Variants in USP7 observed in about 807,000 individuals in gnomAD.
USP7 encodes ubiquitin C-terminal hydrolase 7.
In USP7, 9 loss-of-function variants were observed where a neutral mutation model predicts 162.9. The ratio of observed to expected loss-of-function variants is 0.06; its 90% confidence interval spans 0.03 to 0.10. USP7 has a LOEUF of 0.10. USP7 is among the 10% of genes least tolerant of loss of function. USP7 has a pLI of 1.00. For synonymous variants in USP7, 562 were observed against 475.9 expected (o/e 1.18, Z -2.35); for missense variants, 715 against 1,373.7 (o/e 0.52, Z 7.58).
chr16:8,932,660 C>T (rs573104975), intron 1 of USP7, among the ~76,000 whole-genome samples: 16 of 152,256 alleles, frequency 1.1e-4, no homozygotes, highest in South Asian at 4.1e-4. Context: ...AAATGTCTTT[C>T]ATCCACATTC....
chr16:8,910,704 G>A (rs1379830847), intron 11 of USP7, 41 bp downstream of exon 11: 1 of 1,551,180 alleles, frequency 6.4e-7, no homozygotes, highest in African/African-American at 1.4e-5. Context: ...AAATAAAGAA[G>A]AACGCTACAA....
In USP7 at chr16:8,903,260, G is replaced by C. The variant is rs1041018012; in HGVS notation, c.1839+8C>G. ...ACGGTGGGGTATATCCACGGGACCGGTACGCACCATGGTCTGAGAGAGGCT... is the reference window on the plus strand; with the variant it reads ...ACGGTGGGGTATATCCACGGGACCGCTACGCACCATGGTCTGAGAGAGGCT... On this transcript the variant is annotated splice_region_variant and intron_variant, in intron 16 of 30. Coordinates refer to ENST00000344836, the MANE Select transcript of USP7 (RefSeq NM_003470.3). 2.5e-5 allele frequency: 41 copies of C among 1,612,222 alleles called. No individual in the cohort carries two copies. The highest frequency in any genetic ancestry group is 3.1e-5 in the Non-Finnish European group (37 of 1,179,246).
intron 1 of USP7, chr16:8,936,718 T>G (rs769153331): frequency 3.7e-5 from 52 of 1,408,664 alleles, no homozygotes; most frequent in Non-Finnish European, 4.7e-5. Context: ...TCAGCATTCT[T>G]TTTTATTTTT....
At chr16:8,905,095 T>C (rs2061839173) in intron 14 of USP7, 92 bp downstream of exon 14, 2 of 1,486,810 alleles carry the variant, frequency 1.3e-6, no homozygotes, top group African/African-American at 2.8e-5. Context: ...AAGCATAAAA[T>C]GTGTTTGGAC....
chr16:8,936,456 A>G, intron 1 of USP7: 1 of 982,246 alleles, frequency 1.0e-6, no homozygotes, highest in Non-Finnish European at 1.4e-6. Context: ...CTTTATATAA[A>G]TTTTACTGAT....
rs55937310 is a variant in USP7 at position 8,892,606 on chromosome 16, T to TAAAAAAAAAA, written c.*1382_*1391dup. 2 of 120,020 alleles carry TAAAAAAAAAA rather than the reference T, an allele frequency of 1.7e-5. No homozygotes were observed. The highest frequency in any genetic ancestry group is 3.1e-5 in the African/African-American group (1 of 32,140). The allele number at this position is 120,020 out of a possible 1,614,324, so 7.4% of individuals were successfully genotyped here. ...AGAGTAAATGTGACTAGTTAGAGGC[T>TAAAAAAAAAA]AAAAAAAAAAAAAAAAAAAAAAAGA... On this transcript the variant is annotated 3_prime_UTR_variant, in exon 31 of 31. Coordinates refer to ENST00000344836, the MANE Select transcript of USP7 (RefSeq NM_003470.3).
chr16:8,936,799 T>G (rs1379669471), intron 1 of USP7: 1 of 1,259,748 alleles, frequency 7.9e-7, no homozygotes. Context: ...GATAAGGCAG[T>G]CCAGGAACAG....
rs1055296226 is a variant in USP7 at position 8,892,654 on chromosome 16, A to G, written c.*1344T>C. ...AGAAACAAGAGACCCTGCCCCCGCA[A>G]AACGGAATTAGAAGGAAAAGTACAT... On this transcript the variant is annotated 3_prime_UTR_variant, in exon 31 of 31. Coordinates refer to ENST00000344836, the MANE Select transcript of USP7 (RefSeq NM_003470.3). 1 of 151,630 alleles carries G rather than the reference A, an allele frequency of 6.6e-6. No homozygotes were observed. The highest frequency in any genetic ancestry group is 2.4e-5 in the African/African-American group (1 of 41,294). 9.4% of individuals were successfully genotyped at this position (151,630 alleles called of 1,614,324 possible).
chr16:8,912,260 T>C (rs1171320946), intron 10 of USP7, among the ~76,000 whole-genome samples: 2 of 152,050 alleles, frequency 1.3e-5, no homozygotes, highest in African/African-American at 4.8e-5. Flanking sequence ...CAGACCACCC[T>C]GGCCAACATG....
Position 8,960,347 on chromosome 16 carries a change from G to A in USP7, c.79+2860C>T, listed in dbSNP as rs138338712. ...CTTCATCACTTTCCTAACTGCTCAG[G>A]GCATTTCAAAAAATAACTATTCCAG... is the stretch of plus-strand genomic sequence containing the variant. On this transcript the variant is annotated intron_variant, in intron 1 of 30. Transcript: ENST00000344836. Among the ~76,000 whole-genome samples, 382 of 152,122 alleles carry A rather than the reference G, an allele frequency of 2.5e-3. 1 individual carries two copies. Among genetic ancestry groups the A allele is most frequent in the Middle Eastern group, 0.01 (3 of 294 alleles).
intron 10 of USP7, among the ~76,000 whole-genome samples, chr16:8,914,365 C>T (rs1176283370): frequency 1.3e-5 from 2 of 151,770 alleles, no homozygotes; most frequent in African/African-American, 4.9e-5. Flanking sequence ...ATCTCGCTAA[C>T]TTGATCCATC....
rs531296154 is a variant in USP7 at position 8,943,495 on chromosome 16, G to C, written c.80-13098C>G. Among the ~76,000 whole-genome samples the C allele has an allele frequency of 3.9e-5, 6 of 152,106 alleles. 1 individual carries two copies. In the South Asian group the frequency reaches 1.2e-3, roughly 32 times the overall value. ...CTGGATGGAGATCTGTGACACACAA[G>C]AGCCAAAGGATCAACACCGAGAATG... On this transcript the variant is annotated intron_variant, in intron 1 of 30. Transcript: ENST00000344836.
At chr16:8,946,263 G>C (rs1420372846) in intron 1 of USP7, among the ~76,000 whole-genome samples, 1 of 152,002 alleles carries the variant, frequency 6.6e-6, no homozygotes, top group Non-Finnish European at 1.5e-5. Context: ...CAAAAGCAAG[G>C]TTCAAAAAAA....
At position 8,895,091 on chromosome 16, in the gene USP7, C is replaced by A; in HGVS notation, c.2979G>T (p.Ala993=). 12 of 1,614,216 alleles carry A rather than the reference C, an allele frequency of 7.4e-6. No individual in the cohort carries two copies. The highest frequency in any genetic ancestry group is 1.0e-5 in the Non-Finnish European group (12 of 1,180,048). The change falls in exon 28 of 31, where the codon GCG becomes GCT. Residue 993 remains alanine, a synonymous_variant. Coordinates refer to ENST00000344836, the MANE Select transcript of USP7 (RefSeq NM_003470.3). Reference sequence around the variant, plus strand: ...TTCCGAAGACCTCTTTGTGGAAATGCGCCACTGTGACAAGCATCTCATTCT... The same window carrying A: ...TTCCGAAGACCTCTTTGTGGAAATGAGCCACTGTGACAAGCATCTCATTCT... ...DKENEMLVTV[A]HFHKEVFGTF...
At chr16:8,902,819 CG>C (rs1295999917) in intron 16 of USP7, among the ~76,000 whole-genome samples, 1 of 151,738 alleles carries the variant, frequency 6.6e-6, no homozygotes, top group Non-Finnish European at 1.5e-5. Flanking sequence ...AACCAAAAGG[CG>C]GAGGTTGCAG....
chr16:8,926,201 G>A (rs1001630278), intron 2 of USP7, among the ~76,000 whole-genome samples: 2 of 151,982 alleles, frequency 1.3e-5, no homozygotes, highest in African/African-American at 4.8e-5. Flanking sequence ...AGGTCGGCCG[G>A]GCGCGGTGGT....
intron 1 of USP7, among the ~76,000 whole-genome samples, chr16:8,934,467 G>A (rs895545259): frequency 6.6e-6 from 1 of 152,218 alleles, no homozygotes; most frequent in Non-Finnish European, 1.5e-5. Context: ...TACAGGATGG[G>A]GTGGGGGAAA....
At chr16:8,903,635 G>T (rs974216848) in intron 15 of USP7, among the ~76,000 whole-genome samples, 5 of 152,154 alleles carry the variant, frequency 3.3e-5, no homozygotes, top group Non-Finnish European at 5.9e-5. Flanking sequence ...GGGAGGCCGA[G>T]GCGGGCGGAT....
chr16:8,909,231 G>GAGA (rs2141187485), intron 11 of USP7, among the ~76,000 whole-genome samples: 1 of 152,312 alleles, frequency 6.6e-6, no homozygotes, highest in East Asian at 1.9e-4. Context: ...CAGGCGGTCA[G>GAGA]GGGCCCTCAC....
Sources: gnomAD v4.1 joint callset for allele counts (sites outside exome capture counted in the v4.1 genomes callset) on GRCh38, gnomAD v4.1.1 for gene constraint, MANE v1.5 for transcripts, NCBI Gene and HGNC (gene_info 2026-07-23, HGNC 2026-07-21) for gene names.